Variants in PRORP observed in about 807,000 individuals in gnomAD.
PRORP encodes the protein protein only RNase P catalytic subunit.
In PRORP, 51 loss-of-function variants were observed where a neutral mutation model predicts 59.4. The observed-to-expected ratio is 0.86, with a 90% CI of 0.69 to 1.08. The LOEUF (loss-of-function observed/expected upper bound fraction) is 1.08, where lower values mean the gene tolerates loss of function less well. Among genes scored for constraint, PRORP ranks in the 50% least tolerant of loss-of-function variants. The probability of loss-of-function intolerance (pLI) is 0.00; values close to 1 mark genes in which losing one functional copy is unlikely to be tolerated. For missense variants in PRORP, 646 were observed against 690.3 expected (o/e 0.94, Z 0.72); for synonymous variants, 231 against 245.6 (o/e 0.94, Z 0.55).
At chr14:35,259,718 C>T (rs1011612368) in intron 5 of PRORP, among the ~76,000 whole-genome samples, 9 of 151,774 alleles carry the variant, frequency 5.9e-5, no homozygotes, top group African/African-American at 2.2e-4. Flanking sequence ...TGGTGAAAAT[C>T]GGGCTTTACT....
chr14:35,262,364 T>TGG, intron 5 of PRORP: 12 of 329,858 alleles, frequency 3.6e-5, no homozygotes, highest in Non-Finnish European at 5.8e-5. Context: ...AGTGTAGATG[T>TGG]TTGCCTTTTA....
At chr14:35,213,581 T>C (rs1161976307) in intron 5 of PRORP, among the ~76,000 whole-genome samples, 3 of 152,150 alleles carry the variant, frequency 2.0e-5, no homozygotes, top group Non-Finnish European at 4.4e-5. Flanking sequence ...AGGTAGGAAA[T>C]GTGCAACTCT....
At chr14:35,173,365 G>C (rs1030321041) in intron 4 of PRORP, among the ~76,000 whole-genome samples, 3 of 152,130 alleles carry the variant, frequency 2.0e-5, no homozygotes, top group Middle Eastern at 3.2e-3. Context: ...TTTAGACTTA[G>C]ACTCCAAACT....
chr14:35,252,658 C>G (rs1594341894), intron 5 of PRORP, among the ~76,000 whole-genome samples: 1 of 152,090 alleles, frequency 6.6e-6, no homozygotes, highest in African/African-American at 2.4e-5. Context: ...GCTCCCAATC[C>G]CCACACCAGC....
At chr14:35,186,081 C>T (rs551087849) in intron 5 of PRORP, among the ~76,000 whole-genome samples, 1 of 151,548 alleles carries the variant, frequency 6.6e-6, no homozygotes, top group African/African-American at 2.4e-5. Flanking sequence ...TCCCTGGGCT[C>T]AAGACACCCC....
chr14:35,233,173 C>A (rs1026835395), intron 5 of PRORP, among the ~76,000 whole-genome samples: 1 of 138,172 alleles, frequency 7.2e-6, no homozygotes, highest in East Asian at 1.9e-4. Context: ...GTTTTTTGCG[C>A]CAGGGATACA....
chr14:35,170,516 C>T (rs765421075), intron 4 of PRORP, among the ~76,000 whole-genome samples: 73 of 151,988 alleles, frequency 4.8e-4, no homozygotes, highest in Non-Finnish European at 6.2e-4. Context: ...TTATATTGAA[C>T]GATTTCACAT....
At chr14:35,142,551 T>G in intron 4 of PRORP, among the ~76,000 whole-genome samples, 1 of 141,592 alleles carries the variant, frequency 7.1e-6, no homozygotes, top group Admixed American at 7.5e-5. Flanking sequence ...TTAGATAGGG[T>G]AGAGATGGCA....
At chr14:35,207,707 C>G (rs1276812387) in intron 5 of PRORP, among the ~76,000 whole-genome samples, 1 of 152,176 alleles carries the variant, frequency 6.6e-6, no homozygotes, top group African/African-American at 2.4e-5. Context: ...TCAATTCATT[C>G]ATTAATCCAT....
rs1444357620 is a variant in PRORP, at chr14:35,145,774, TCC to T, written c.1167+18164_1167+18165del. 8.4e-5 allele frequency among the ~76,000 whole-genome samples: 12 copies of T among 142,344 alleles called. 1 individual carries two copies. The highest frequency in any genetic ancestry group is 2.9e-4 in the African/African-American group (12 of 40,732). The allele number at this position is 142,344 out of a possible 152,430, so 93.4% of individuals were successfully genotyped here. ...GAAGGAAGGAAACAGCCCACCATGA[TCC>T]ATTCATTTTGAACTTTAATTTTATT... On this transcript the variant is annotated intron_variant, in intron 4 of 7. Coordinates refer to ENST00000534898, the MANE Select transcript of PRORP (RefSeq NM_014672.4).
chr14:35,150,860 A>G (rs2047727304), intron 4 of PRORP, among the ~76,000 whole-genome samples: 1 of 152,154 alleles, frequency 6.6e-6, no homozygotes, highest in Non-Finnish European at 1.5e-5. Context: ...TGTGCTAGAG[A>G]CAGAGGGATA....
chr14:35,262,501 A>G (rs889219764), intron 5 of PRORP: 1 of 552,996 alleles, frequency 1.8e-6, no homozygotes. Context: ...CATTCCAGAA[A>G]ATGGTGACAT....
chr14:35,268,409 A>G (rs2051102413), intron 6 of PRORP, among the ~76,000 whole-genome samples: 1 of 151,658 alleles, frequency 6.6e-6, no homozygotes. Flanking sequence ...GAAAATAGCT[A>G]ATTAGGAGGA....
intron 5 of PRORP, among the ~76,000 whole-genome samples, chr14:35,228,482 A>G (rs1044600946): frequency 1.3e-5 from 2 of 152,184 alleles, no homozygotes; most frequent in Non-Finnish European, 2.9e-5. Context: ...TAGTAGTCCC[A>G]GTGTCCGTTG....
At chr14:35,191,395 GT>G (rs1268784016) in intron 5 of PRORP, among the ~76,000 whole-genome samples, 2 of 152,114 alleles carry the variant, frequency 1.3e-5, no homozygotes, top group African/African-American at 4.8e-5. Flanking sequence ...AAATTACCCA[GT>G]TTTGGGTATG....
intron 5 of PRORP, among the ~76,000 whole-genome samples, chr14:35,214,393 C>G (rs891092238): frequency 2.0e-5 from 3 of 152,138 alleles, no homozygotes; most frequent in African/African-American, 7.2e-5. Context: ...AGTGTATTCT[C>G]ATATTACGAT....
chr14:35,201,018 A>G (rs1322323625), intron 5 of PRORP, among the ~76,000 whole-genome samples: 1 of 152,204 alleles, frequency 6.6e-6, no homozygotes, highest in Non-Finnish European at 1.5e-5. Context: ...GAAATTGACA[A>G]TTTTGAGAAT....
intron 5 of PRORP, among the ~76,000 whole-genome samples, chr14:35,205,171 A>C (rs2049259167): frequency 6.6e-6 from 1 of 151,978 alleles, no homozygotes; most frequent in Non-Finnish European, 1.5e-5. Flanking sequence ...TTTTTTAAAA[A>C]AATATGCAGT....
intron 5 of PRORP, among the ~76,000 whole-genome samples, chr14:35,239,351 A>G (rs1217762900): frequency 6.9e-6 from 1 of 145,170 alleles, no homozygotes; most frequent in Admixed American, 6.9e-5. Context: ...CCGTCTCAAG[A>G]AAAAAAAAAA....
Sources: gnomAD v4.1 joint callset for allele counts (sites outside exome capture counted in the v4.1 genomes callset) on GRCh38, gnomAD v4.1.1 for gene constraint, MANE v1.5 for transcripts, NCBI Gene and HGNC (gene_info 2026-07-23, HGNC 2026-07-21) for gene names.